The following SREBF2 variants were observed in gnomAD, a reference collection of about 807,000 sequenced individuals.
SREBF2 encodes sterol regulatory element-binding protein 2.
In SREBF2, 55 loss-of-function variants were observed where a neutral mutation model predicts 113.1. The observed-to-expected ratio is 0.49, with a 90% CI of 0.39 to 0.61. The LOEUF (loss-of-function observed/expected upper bound fraction) is 0.61. Among genes scored for constraint, SREBF2 ranks in the 20% least tolerant of loss-of-function variants. The pLI, the probability that SREBF2 is intolerant of heterozygous loss-of-function variation, is 0.00. For missense variants in SREBF2, 1,349 were observed against 1,487.4 expected (o/e 0.91, Z 1.53); for synonymous variants, 593 against 605.7 (o/e 0.98, Z 0.31).
At chr22:41,881,750 T>G (rs940862692) in intron 10 of SREBF2, among the ~76,000 whole-genome samples, 1 of 152,156 alleles carries the variant, frequency 6.6e-6, no homozygotes, top group South Asian at 2.1e-4. Context: ...AATAGTGATA[T>G]GATCAGGTTT....
At chr22:41,870,838 A>C in intron 3 of SREBF2, 51 bp from the exon 4 acceptor site, 1 of 1,609,516 alleles carries the variant, frequency 6.2e-7, no homozygotes, top group Non-Finnish European at 8.5e-7. Flanking sequence ...AGGAATGCAT[A>C]ACAGAAGGAT....
chr22:41,833,165 G>T lies in SREBF2; in HGVS notation c.-106G>T. 1 of 824,038 alleles carries T rather than the reference G, an allele frequency of 1.2e-6. No individual in the cohort carries two copies. The highest frequency in any genetic ancestry group is 1.7e-6 in the Non-Finnish European group (1 of 573,586). The allele number at this position is 824,038 out of a possible 1,614,324, so 51.0% of individuals were successfully genotyped here. A position where few individuals can be genotyped will look rare whatever the true frequency, so the allele number is the denominator to read the frequency against. On this transcript the variant is annotated 5_prime_UTR_variant, in exon 1 of 19. Transcript: ENST00000361204. The surrounding 1 kb of genome is among the most constrained non-coding windows in gnomAD (Gnocchi z 4.1). The stretch of plus-strand genomic sequence containing the variant: ...GCGGCGGGTGGCACCCGTCGGTGAG[G>T]CGGTGCCGGGCGGGGGTTGTCGGGT...
In SREBF2 at chr22:41,903,153, A is replaced by G. The variant is rs754198101; in HGVS notation, c.3091A>G (p.Lys1031Glu). ...ACACAGCTTCCGCCCAGCATACCGC[A>G]AGGTGAGGCCCAGCTGGCTGGTGGG... ...LAHSFRPAYR[K>E]VFLHEATVRL... The change falls in exon 17 of 19, where the codon AAG becomes GAG. Residue 1031 changes from lysine to glutamate, a missense_variant and splice_region_variant. By Grantham distance (56) the Lys-to-Glu change is moderately conservative (BLOSUM62 1). Coordinates refer to ENST00000361204, the MANE Select transcript of SREBF2 (RefSeq NM_004599.4). 6.4e-6 allele frequency: 10 copies of G among 1,551,318 alleles called. No individual in the cohort carries two copies. The South Asian group carries it at 1.1e-4, about 17-fold the overall frequency.
rs751650602 is a variant in SREBF2, at chr22:41,903,053, G to A, written c.2991G>A (p.Val997=). ...WQKQASASQA[V]GETYHASGAE... is the part of the protein sequence containing the mutation. ...AACAGGCCAGTGCCAGCCAGGCTGT[G>A]GGGGAGACCTACCACGCGTCAGGCG... The change falls in exon 17 of 19, where the codon GTG becomes GTA. Residue 997 remains valine, a synonymous_variant. Transcript: ENST00000361204. 13 of 1,606,984 alleles carry A rather than the reference G, an allele frequency of 8.1e-6. No individual in the cohort carries two copies. The highest frequency in any genetic ancestry group is 9.3e-6 in the Non-Finnish European group (11 of 1,177,008).
chr22:41,859,311 G>A (rs2077004461), intron 1 of SREBF2, among the ~76,000 whole-genome samples: 1 of 152,064 alleles, frequency 6.6e-6, no homozygotes, highest in Admixed American at 6.6e-5. Flanking sequence ...GTGGAAGGAG[G>A]GCTGTCTGAA....
chr22:41,884,925 A>T lies in SREBF2; in HGVS notation c.2122A>T (p.Ile708Phe), dbSNP rs761940011. The T allele has an allele frequency of 6.2e-7, 1 of 1,614,086 alleles. No homozygotes were observed. The highest frequency in any genetic ancestry group is 2.2e-5 in the East Asian group (1 of 44,884). ...VNLAECAEEK[I>F]PPSTLVEIHL... ...CCTGGCTGAATGTGCAGAGGAGAAG[A>T]TCCCACCGAGCACACTGGTTGAGAT... The change falls in exon 11 of 19, where the codon ATC becomes TTC. Residue 708 changes from isoleucine (I) to phenylalanine (F), a missense_variant. Around this residue, in one of 2 missense-constraint regions of SREBF2, gnomAD observed 650 missense variants for 644.1 expected, o/e 1.01. Coordinates refer to ENST00000361204, the MANE Select transcript of SREBF2 (RefSeq NM_004599.4).
chr22:41,889,031 C>A (rs2077328587), intron 11 of SREBF2, among the ~76,000 whole-genome samples: 1 of 152,138 alleles, frequency 6.6e-6, no homozygotes, highest in Admixed American at 6.5e-5. Flanking sequence ...CCCAAACTTG[C>A]TCAACTCATG....
chr22:41,859,899 A>G (rs963628359), intron 1 of SREBF2, among the ~76,000 whole-genome samples: 1 of 128,216 alleles, frequency 7.8e-6, no homozygotes, highest in Non-Finnish European at 1.5e-5. Flanking sequence ...TCCGCCTCCC[A>G]GGTTCTCGCC....
At chr22:41,898,302 G>C (rs1175531391) in intron 14 of SREBF2, among the ~76,000 whole-genome samples, 1 of 152,036 alleles carries the variant, frequency 6.6e-6, no homozygotes, top group Non-Finnish European at 1.5e-5. Context: ...ATTTTTAGTA[G>C]AGAGGGGGTT....
Position 41,904,391 on chromosome 22 carries a change from C to A in SREBF2, c.3094-472C>A. 3 of 358,156 alleles carry A rather than the reference C, an allele frequency of 8.4e-6. No homozygotes were observed. In the East Asian group the frequency reaches 2.2e-4, roughly 27 times the overall value. 22.2% of individuals were successfully genotyped at this position (358,156 alleles called of 1,614,324 possible). The stretch of plus-strand genomic sequence containing the variant: ...CACCCACCAGTGGCTCATACCTAAG[C>A]GCTGCAGACTTTACCCGCACACCTC... On this transcript the variant is annotated intron_variant, in intron 17 of 18. Coordinates refer to ENST00000361204, the MANE Select transcript of SREBF2 (RefSeq NM_004599.4).
intron 1 of SREBF2, among the ~76,000 whole-genome samples, chr22:41,861,089 C>A (rs562633200): frequency 1.3e-5 from 2 of 152,184 alleles, no homozygotes; most frequent in Non-Finnish European, 2.9e-5. Context: ...GTAGCATGTT[C>A]AGTGTGATCT....
At chr22:41,867,335 G>T (rs905790775) in intron 2 of SREBF2, 55 bp downstream of exon 2, 1 of 1,567,664 alleles carries the variant, frequency 6.4e-7, no homozygotes, top group African/African-American at 1.3e-5. Flanking sequence ...TTATGTGCCA[G>T]TTTGCAGACA....
chr22:41,885,652 T>G, intron 11 of SREBF2: 1 of 161,250 alleles, frequency 6.2e-6, no homozygotes, highest in Non-Finnish European at 1.4e-5. Context: ...GTCCTTGTTA[T>G]CAGCTAGCTC....
chr22:41,859,688 T>G (rs549715460), intron 1 of SREBF2, among the ~76,000 whole-genome samples: 1 of 151,328 alleles, frequency 6.6e-6, no homozygotes, highest in African/African-American at 2.4e-5. Context: ...ATGAGTTATC[T>G]CATCAATCCG....
At chr22:41,896,913 G>A in intron 13 of SREBF2, 139 bp from the exon 14 acceptor site, 6 of 658,148 alleles carry the variant, frequency 9.1e-6, no homozygotes, top group South Asian at 3.1e-5. Context: ...CATAGACAGC[G>A]CTTGCGTGTG....
At chr22:41,893,631 G>A (rs139478787) in intron 12 of SREBF2, among the ~76,000 whole-genome samples, 3 of 152,284 alleles carry the variant, frequency 2.0e-5, no homozygotes, top group Non-Finnish European at 4.4e-5. Context: ...CACAAAGGAT[G>A]TGTGAGGCTT....
chr22:41,833,501 C>T lies in SREBF2; in HGVS notation c.88+143C>T, dbSNP rs991326140. On this transcript the variant is annotated intron_variant, in intron 1 of 18. Transcript: ENST00000361204. The surrounding 1 kb of genome is among the most constrained non-coding windows in gnomAD (Gnocchi z 4.1). Reference sequence around the variant, plus strand: ...CGTGCGCACGGTGCCCCCGGCGGTCCTCAACCCTTCCGGCGCTGCGAGCGT... The same window carrying T: ...CGTGCGCACGGTGCCCCCGGCGGTCTTCAACCCTTCCGGCGCTGCGAGCGT... 9.9e-6 allele frequency: 6 copies of T among 606,832 alleles called. No homozygotes were observed. The highest frequency in any genetic ancestry group is 5.9e-5 in the African/African-American group (3 of 50,980). 37.6% of individuals were successfully genotyped at this position (606,832 alleles called of 1,614,324 possible). A position where few individuals can be genotyped will look rare whatever the true frequency, so the allele number is the denominator to read the frequency against.
At chr22:41,887,226 A>C (rs2077308096) in intron 11 of SREBF2, among the ~76,000 whole-genome samples, 1 of 152,168 alleles carries the variant, frequency 6.6e-6, no homozygotes, top group Non-Finnish European at 1.5e-5. Flanking sequence ...CTCAAGAAAA[A>C]AAAAAAAGAT....
At position 41,833,362 on chromosome 22, in the gene SREBF2, A is replaced by T; in HGVS notation, c.88+4A>T. ...CTGACCCTGGGAGACATCGACGGTG[A>T]GTGGTGGGTGGGTGGGAGTGCGGGG... is the stretch of plus-strand genomic sequence containing the variant. On this transcript the variant is annotated splice_donor_region_variant and intron_variant, in intron 1 of 18. Coordinates refer to ENST00000361204, the MANE Select transcript of SREBF2 (RefSeq NM_004599.4). This position sits in a 1 kb window ranked among gnomAD's most constrained non-coding sequence, Gnocchi z 4.1. The T allele has an allele frequency of 2.8e-6, 1 of 360,930 alleles. No homozygotes were observed. The highest frequency in any genetic ancestry group is 5.4e-6 in the Non-Finnish European group (1 of 184,740). The allele number at this position is 360,930 out of a possible 1,614,324, so 22.4% of individuals were successfully genotyped here.
Sources: allele counts gnomAD v4.1 joint callset (sites outside exome capture counted in the v4.1 genomes callset), GRCh38; gene constraint gnomAD v4.1.1; regional missense constraint gnomAD v4.1.1; non-coding constraint Gnocchi (gnomAD v3.1); transcripts MANE v1.5; gene names NCBI Gene and HGNC (gene_info 2026-07-23, HGNC 2026-07-21).